Variants in CYGB observed in about 807,000 individuals in gnomAD.
CYGB encodes histoglobin.
CYGB carries 13 observed loss-of-function variants against 20.7 expected under a neutral mutation model. The observed-to-expected ratio is 0.63, with a 90% CI of 0.41 to 1.00. The LOEUF is 1.00. Among genes scored for constraint, CYGB ranks in the 50% least tolerant of loss-of-function variants. The pLI is 0.00. For missense variants in CYGB, 218 were observed against 257.2 expected (o/e 0.85, Z 1.04); for synonymous variants, 93 against 107.4 (o/e 0.87, Z 0.83).
chr17:76,549,516 G>A (rs987636792), intron 1 of CYGB, among the ~76,000 whole-genome samples: 2 of 152,214 alleles, frequency 1.3e-5, no homozygotes, highest in African/African-American at 4.8e-5. Flanking sequence ...GTCATACACG[G>A]CTGGGGACTG....
At chr17:76,544,021 TCA>T (rs1403181755) in intron 1 of CYGB, 1 of 455,708 alleles carries the variant, frequency 2.2e-6, no homozygotes, top group Non-Finnish European at 4.4e-6. Flanking sequence ...TTGCTGATGC[TCA>T]GTCCCGGCGG....
chr17:76,530,142 G>GAA lies in CYGB; in HGVS notation c.539+836_539+837insTT. On this transcript the variant is annotated intron_variant, in intron 3 of 3. Coordinates refer to ENST00000293230, the MANE Select transcript of CYGB (RefSeq NM_134268.5). This position sits in a 1 kb window ranked among gnomAD's most constrained non-coding sequence, Gnocchi z 6.1. The stretch of plus-strand genomic sequence containing the variant: ...CCACGGGAATGTTTCTCTACCACGC[G>GAA]TGTCCCGGGCTGCTGGCTGACCTCT... 5.8e-5 allele frequency: 56 copies of GAA among 965,324 alleles called. No homozygotes were observed. The highest frequency in any genetic ancestry group is 6.5e-5 in the Non-Finnish European group (53 of 811,734). 59.8% of individuals were successfully genotyped at this position (965,324 alleles called of 1,614,324 possible).
At chr17:76,539,934 G>A (rs573314341), upstream of CYGB, 129 of 607,970 alleles carry the variant, frequency 2.1e-4, no homozygotes, top group African/African-American at 2.2e-3. Context: ...CCTACCGCTG[G>A]AGGGGAGAAC....
upstream of CYGB, chr17:76,542,472 GGGA>G (rs777923534): frequency 4.6e-6 from 7 of 1,517,306 alleles, no homozygotes; most frequent in South Asian, 1.1e-5. Flanking sequence ...TGATAGGGAT[GGGA>G]GGAGGAGGAA....
chr17:76,547,828 ACAC>A (rs200613080), intron 1 of CYGB, among the ~76,000 whole-genome samples: 2,643 of 143,392 alleles, frequency 0.018, 68 homozygotes, highest in African/African-American at 0.068. Flanking sequence ...ACACACACAC[ACAC>A]AACACACATT....
chr17:76,538,294 C>G (rs2074946510), upstream of CYGB: 1 of 210,464 alleles, frequency 4.8e-6, no homozygotes, highest in Admixed American at 6.4e-5. Context: ...GCGCCACTCC[C>G]ACGGCTCTGG....
intron 1 of CYGB, among the ~76,000 whole-genome samples, chr17:76,548,219 AT>A (rs2075074731): frequency 3.9e-5 from 6 of 152,196 alleles, no homozygotes; most frequent in Admixed American, 2.0e-4. Flanking sequence ...ATATACACTT[AT>A]AGACACACAT....
At chr17:76,536,954 G>T (rs1598207743) in intron 1 of CYGB, among the ~76,000 whole-genome samples, 1 of 152,176 alleles carries the variant, frequency 6.6e-6, no homozygotes, top group African/African-American at 2.4e-5. Flanking sequence ...TTTGAATCCC[G>T]CAAGCCGCTG....
intron 1 of CYGB, among the ~76,000 whole-genome samples, chr17:76,548,940 C>T (rs554000233): frequency 3.3e-5 from 5 of 152,244 alleles, no homozygotes; most frequent in East Asian, 3.9e-4. Flanking sequence ...GAAACCCAAG[C>T]GGACCACAGT....
Position 76,530,888 on chromosome 17 carries a change from G to A in CYGB, c.539+91C>T. The A allele has an allele frequency of 7.1e-7, 1 of 1,399,286 alleles. No individual in the cohort carries two copies. The highest frequency in any genetic ancestry group is 9.6e-7 in the Non-Finnish European group (1 of 1,043,748). 86.7% of individuals were successfully genotyped at this position (1,399,286 alleles called of 1,614,324 possible). On this transcript the variant is annotated intron_variant, in intron 3 of 3. Coordinates refer to ENST00000293230, the MANE Select transcript of CYGB (RefSeq NM_134268.5). The surrounding 1 kb of genome is among the most constrained non-coding windows in gnomAD (Gnocchi z 6.1). ...TCAAGTGTGCCTGCCCAGGTGATCAGCCCCAGGGCCTCAGGAGATATGGGA... is the reference window on the plus strand; with the variant it reads ...TCAAGTGTGCCTGCCCAGGTGATCAACCCCAGGGCCTCAGGAGATATGGGA...
upstream of CYGB, chr17:76,542,590 G>A (rs765926174): frequency 1.7e-5 from 27 of 1,614,060 alleles, no homozygotes; most frequent in South Asian, 2.2e-4. Flanking sequence ...CACCTCTGCA[G>A]GTGGGGCTCA....
rs569730512 is a variant in CYGB at position 76,533,447 on chromosome 17, G to T, written c.144-1756C>A. On this transcript the variant is annotated intron_variant, in intron 1 of 3. Coordinates refer to ENST00000293230, the MANE Select transcript of CYGB (RefSeq NM_134268.5). This position sits in a 1 kb window ranked among gnomAD's most constrained non-coding sequence, Gnocchi z 4.5. ...TGCAATAAAAAATAATGATATGGCC[G>T]GGCACGGTGGCTCACGCCTATAATC... Among the ~76,000 whole-genome samples, 77 of 152,212 alleles carry T rather than the reference G, an allele frequency of 5.1e-4. No individual in the cohort carries two copies. Among genetic ancestry groups the T allele is most frequent in the Admixed American group, 9.2e-4 (14 of 15,276 alleles).
chr17:76,536,482 G>A (rs1313920252), intron 1 of CYGB, among the ~76,000 whole-genome samples: 5 of 152,182 alleles, frequency 3.3e-5, no homozygotes, highest in African/African-American at 1.2e-4. Flanking sequence ...GGGCTCCTCT[G>A]CCTGCACCCC....
At position 76,531,670 on chromosome 17, in the gene CYGB, C is replaced by T. The variant is rs759951086; in HGVS notation, c.165G>A (p.Ser55=). 7.1e-5 allele frequency: 113 copies of T among 1,596,652 alleles called. No homozygotes were observed. Among genetic ancestry groups the T allele is most frequent in the Non-Finnish European group, 8.8e-5 (103 of 1,165,730 alleles). ...TGAACTGGCTGAAGTACTGCTTGGC[C>T]GAGGGGAAGTTCACAAAGAACCTGG... ...ILVRFFVNFP[S]AKQYFSQFKH... Residue 55 remains serine, a synonymous_variant, in exon 2 of 4, where the codon TCG becomes TCA. Coordinates refer to ENST00000293230, the MANE Select transcript of CYGB (RefSeq NM_134268.5). This position sits in a 1 kb window ranked among gnomAD's most constrained non-coding sequence, Gnocchi z 7.4.
intron 1 of CYGB, among the ~76,000 whole-genome samples, chr17:76,548,921 T>TG (rs1245396347): frequency 6.6e-6 from 1 of 152,158 alleles, no homozygotes; most frequent in African/African-American, 2.4e-5. Flanking sequence ...GACTGTGCCT[T>TG]GGGGAGGGGA....
At chr17:76,542,729 C>A in intron 1 of CYGB, 1 of 784,200 alleles carries the variant, frequency 1.3e-6, no homozygotes, top group Non-Finnish European at 2.2e-6. Context: ...GGATAGCAGG[C>A]AGTGTTCAGC....
chr17:76,542,453 G>T, upstream of CYGB: 1 of 1,368,280 alleles, frequency 7.3e-7, no homozygotes, highest in South Asian at 1.2e-5. Flanking sequence ...CCTCAATATT[G>T]GGGTGAATTG....
chr17:76,538,286 G>A (rs749909444), upstream of CYGB: 13 of 193,046 alleles, frequency 6.7e-5, no homozygotes, highest in Non-Finnish European at 1.2e-4. Context: ...GGGCCGCGGC[G>A]CCACTCCCAC....
At position 76,531,499 on chromosome 17, in the gene CYGB, G is replaced by A. The variant is rs1266724535; in HGVS notation, c.336C>T (p.Ala112=). 6.2e-7 allele frequency: 1 copy of A among 1,613,278 alleles called. No homozygotes were observed. Among genetic ancestry groups the A allele is most frequent in the Non-Finnish European group, 8.5e-7 (1 of 1,179,238 alleles). Residue 112 remains alanine (A), a synonymous_variant, in exon 2 of 4, where the codon GCC becomes GCT. Transcript: ENST00000293230. The surrounding 1 kb of genome is among the most constrained non-coding windows in gnomAD (Gnocchi z 7.4). The part of the protein sequence containing the change: ...VSSVLALVGK[A]HALKHKVEPV... ...GTTCCACCTTGTGCTTGAGGGCGTG[G>A]GCTTTCCCCACAAGGGCGAGCACAG... is the stretch of plus-strand genomic sequence containing the variant.
Sources: gnomAD v4.1 joint callset for allele counts (sites outside exome capture counted in the v4.1 genomes callset) on GRCh38, gnomAD v4.1.1 for gene constraint, Gnocchi (gnomAD v3.1) non-coding constraint, MANE v1.5 for transcripts, NCBI Gene and HGNC (gene_info 2026-07-23, HGNC 2026-07-21) for gene names.